The following CSNK1G1 variants were observed in gnomAD, a reference collection of about 807,000 sequenced individuals.
CSNK1G1 encodes casein kinase 1 gamma 1, also known as casein kinase I isoform gamma-1.
A neutral mutation model predicts 59.6 loss-of-function variants in CSNK1G1; 22 were observed. The observed-to-expected ratio is 0.37, with a 90% confidence interval of 0.26 to 0.53. The LOEUF (loss-of-function observed/expected upper bound fraction) is 0.53. Ranked by LOEUF, CSNK1G1 falls within the 20% of genes least tolerant of loss-of-function variation. The probability of loss-of-function intolerance (pLI) is 0.89; values close to 1 mark genes in which losing one functional copy is unlikely to be tolerated. For missense variants in CSNK1G1, 384 were observed against 519.5 expected (o/e 0.74, Z 2.54); for synonymous variants, 179 against 177.1 (o/e 1.01, Z -0.08).
chr15:64,206,841 G>A (rs2082188980), intron 7 of CSNK1G1, among the ~76,000 whole-genome samples: 1 of 152,140 alleles, frequency 6.6e-6, no homozygotes, highest in South Asian at 2.1e-4. Flanking sequence ...CACTTGAAAA[G>A]CAATCTTAAA....
chr15:64,339,360 G>C (rs1192145881), intron 1 of CSNK1G1, among the ~76,000 whole-genome samples: 1 of 152,016 alleles, frequency 6.6e-6, no homozygotes, highest in African/African-American at 2.4e-5. Flanking sequence ...TCGCCCAAGG[G>C]GGAGTGCAGT....
chr15:64,168,741 G>C lies in CSNK1G1; in HGVS notation c.*3190C>G, dbSNP rs1165783693. 6.6e-6 allele frequency: 1 copy of C among 152,244 alleles called. No individual in the cohort carries two copies. Among genetic ancestry groups the C allele is most frequent in the Non-Finnish European group, 1.5e-5 (1 of 68,052 alleles). The allele number at this position is 152,244 out of a possible 1,614,324, so 9.4% of individuals were successfully genotyped here. Reference sequence around the variant, plus strand: ...GGATCTGGCTGAGGCATACAGCTAAGGAACTGTAGCAGTAGGGTTGAGGAG... The same window carrying C: ...GGATCTGGCTGAGGCATACAGCTAACGAACTGTAGCAGTAGGGTTGAGGAG... On this transcript the variant is annotated 3_prime_UTR_variant, in exon 12 of 12. Coordinates refer to ENST00000303052, the MANE Select transcript of CSNK1G1 (RefSeq NM_022048.5).
intron 1 of CSNK1G1, among the ~76,000 whole-genome samples, chr15:64,344,048 T>C (rs1310852672): frequency 2.0e-5 from 3 of 151,948 alleles, no homozygotes; most frequent in African/African-American, 7.3e-5. Flanking sequence ...AATAAATAAA[T>C]TGGAAAGAAA....
chr15:64,282,887 C>T (rs55953000), intron 2 of CSNK1G1, among the ~76,000 whole-genome samples: 11,165 of 152,174 alleles, frequency 0.073, 574 homozygotes, highest in Middle Eastern at 0.13. Flanking sequence ...TATGCATTTC[C>T]CCAATGGCTA....
At chr15:64,269,971 T>A (rs1319435273) in intron 2 of CSNK1G1, among the ~76,000 whole-genome samples, 1 of 149,356 alleles carries the variant, frequency 6.7e-6, no homozygotes, top group African/African-American at 2.6e-5. Flanking sequence ...ACCTGACTAA[T>A]TTTTTTTGTA....
chr15:64,302,052 C>T (rs1895375372), intron 1 of CSNK1G1, among the ~76,000 whole-genome samples: 1 of 152,174 alleles, frequency 6.6e-6, no homozygotes, highest in Non-Finnish European at 1.5e-5. Context: ...TGTCAGCTGA[C>T]TGTACAAGTG....
At chr15:64,223,584 A>G (rs568709712) in intron 4 of CSNK1G1, among the ~76,000 whole-genome samples, 1 of 152,316 alleles carries the variant, frequency 6.6e-6, no homozygotes, top group Admixed American at 6.5e-5. Flanking sequence ...GGTAAACTGC[A>G]TAGAAACCTG....
At chr15:64,278,224 T>C (rs1893861726) in intron 2 of CSNK1G1, among the ~76,000 whole-genome samples, 1 of 151,074 alleles carries the variant, frequency 6.6e-6, no homozygotes, top group East Asian at 1.9e-4. Context: ...TTTTTGTATT[T>C]TTAGTAGAGA....
At chr15:64,255,885 A>G (rs1379118629) in intron 3 of CSNK1G1, among the ~76,000 whole-genome samples, 4 of 152,240 alleles carry the variant, frequency 2.6e-5, no homozygotes, top group Non-Finnish European at 5.9e-5. Flanking sequence ...AGGAAGCGCT[A>G]TGAAGAAAGA....
intron 2 of CSNK1G1, among the ~76,000 whole-genome samples, chr15:64,266,228 AT>A (rs1892979058): frequency 6.6e-6 from 1 of 152,006 alleles, no homozygotes; most frequent in Admixed American, 6.6e-5. Flanking sequence ...CACCCTGCTA[AT>A]TTTTGAATTT....
intron 4 of CSNK1G1, among the ~76,000 whole-genome samples, chr15:64,227,439 A>T (rs1413975045): frequency 1.3e-5 from 2 of 152,206 alleles, no homozygotes; most frequent in Non-Finnish European, 2.9e-5. Flanking sequence ...AGAATTACTT[A>T]TTTCAGTTAA....
chr15:64,349,845 T>C (rs1229473309), intron 1 of CSNK1G1, among the ~76,000 whole-genome samples: 1 of 149,830 alleles, frequency 6.7e-6, no homozygotes, highest in Non-Finnish European at 1.5e-5. Flanking sequence ...GAGGTTGAGG[T>C]GGAAGGATCA....
intron 2 of CSNK1G1, 48 bp from the exon 3 acceptor site, chr15:64,259,289 A>C (rs1892561356): frequency 7.2e-7 from 1 of 1,392,228 alleles, no homozygotes; most frequent in African/African-American, 1.4e-5. Context: ...TTATTCTGGG[A>C]AAAGCAAAGC....
In CSNK1G1 at chr15:64,176,843, G is replaced by T. The variant is rs982394378; in HGVS notation, c.1214+3505C>A. 2.6e-5 allele frequency among the ~76,000 whole-genome samples: 4 copies of T among 152,204 alleles called. No homozygotes were observed. Among genetic ancestry groups the T allele is most frequent in the Non-Finnish European group, 5.9e-5 (4 of 68,036 alleles). On this transcript the variant is annotated intron_variant, in intron 11 of 11. Transcript: ENST00000303052. The surrounding 1 kb of genome is among the most constrained non-coding windows in gnomAD (Gnocchi z 5.2). Reference sequence around the variant, plus strand: ...CGACACTTACTTTATCTTATTAGAAGATGAATCAGAGGAAGGAGGGTCACT... The same window carrying T: ...CGACACTTACTTTATCTTATTAGAATATGAATCAGAGGAAGGAGGGTCACT...
chr15:64,238,514 A>T lies in CSNK1G1; in HGVS notation c.292+12998T>A, dbSNP rs1436572063. On this transcript the variant is annotated intron_variant, in intron 4 of 11. Coordinates refer to ENST00000303052, the MANE Select transcript of CSNK1G1 (RefSeq NM_022048.5). ...TCCCTTAAAAAAAAAAAAAAAAAAAAAAAAATATATATATATATATATATA... is the reference window on the plus strand; with the variant it reads ...TCCCTTAAAAAAAAAAAAAAAAAAATAAAAATATATATATATATATATATA... 5.1e-3 allele frequency among the ~76,000 whole-genome samples: 544 copies of T among 107,008 alleles called. 1 individual carries two copies. The highest frequency in any genetic ancestry group is 0.014 in the African/African-American group (285 of 20,688). 70.2% of individuals were successfully genotyped at this position (107,008 alleles called of 152,430 possible).
At chr15:64,181,701 T>C in intron 10 of CSNK1G1, 1 of 344,182 alleles carries the variant, frequency 2.9e-6, no homozygotes, top group African/African-American at 2.2e-5. Context: ...ATGCCTAAGC[T>C]TCCTAATCTC....
At chr15:64,271,432 G>A (rs1393841370) in intron 2 of CSNK1G1, among the ~76,000 whole-genome samples, 1 of 151,560 alleles carries the variant, frequency 6.6e-6, no homozygotes, top group Non-Finnish European at 1.5e-5. Flanking sequence ...GAGACCACAG[G>A]TGCACATCAC....
chr15:64,304,654 CA>C (rs891427366), intron 1 of CSNK1G1, among the ~76,000 whole-genome samples: 20 of 151,980 alleles, frequency 1.3e-4, no homozygotes, highest in Admixed American at 3.9e-4. Context: ...ATAAAAGCAT[CA>C]AAAAAAGTTT....
chr15:64,329,396 A>C (rs1897006045), intron 1 of CSNK1G1, among the ~76,000 whole-genome samples: 1 of 147,302 alleles, frequency 6.8e-6, no homozygotes, highest in Non-Finnish European at 1.5e-5. Context: ...AACTACATGG[A>C]AACTGAACAA....
Sources: allele counts gnomAD v4.1 joint callset (sites outside exome capture counted in the v4.1 genomes callset), GRCh38; gene constraint gnomAD v4.1.1; non-coding constraint Gnocchi (gnomAD v3.1); transcripts MANE v1.5; gene names NCBI Gene and HGNC (gene_info 2026-07-23, HGNC 2026-07-21).